The following MARCHF1 variants were observed in gnomAD, a reference collection of about 807,000 sequenced individuals.
MARCHF1 encodes the protein membrane associated ring-CH-type finger 1, also known as E3 ubiquitin-protein ligase MARCHF1.
In MARCHF1, 40 loss-of-function variants were observed where a neutral mutation model predicts 54.2. That is an observed-to-expected ratio of 0.74 (90% CI 0.57 to 0.96). The LOEUF (loss-of-function observed/expected upper bound fraction) is 0.96. MARCHF1 is among the 40% of genes least tolerant of loss of function. The pLI is 0.00. For synonymous variants in MARCHF1, 236 were observed against 236.3 expected (o/e 1.00, Z 0.01); for missense variants, 586 against 656.5 (o/e 0.89, Z 1.17).
intron 2 of MARCHF1, among the ~76,000 whole-genome samples, chr4:164,008,592 A>G (rs1346216055): frequency 6.6e-6 from 1 of 152,102 alleles, no homozygotes; most frequent in Non-Finnish European, 1.5e-5. Context: ...GCAAAAATAC[A>G]AGTCTGAACA....
At chr4:163,780,838 A>G (rs1009370564) in intron 4 of MARCHF1, among the ~76,000 whole-genome samples, 3 of 152,334 alleles carry the variant, frequency 2.0e-5, no homozygotes, top group South Asian at 4.1e-4. Flanking sequence ...AGCAGTGTCC[A>G]TATGACCCAG....
At chr4:163,697,751 GACAT>G (rs1262145711) in intron 5 of MARCHF1, among the ~76,000 whole-genome samples, 3 of 152,136 alleles carry the variant, frequency 2.0e-5, no homozygotes, top group Non-Finnish European at 4.4e-5. Context: ...TACTATTACT[GACAT>G]AAGACAATTT....
intron 1 of MARCHF1, among the ~76,000 whole-genome samples, chr4:164,173,179 C>G (rs1050358961): frequency 1.3e-5 from 2 of 152,128 alleles, no homozygotes; most frequent in African/African-American, 4.8e-5. Flanking sequence ...CATTCCAGAA[C>G]AGATTAATAT....
intron 4 of MARCHF1, among the ~76,000 whole-genome samples, chr4:163,768,942 T>A (rs535048077): frequency 1.3e-5 from 2 of 152,288 alleles, no homozygotes; most frequent in South Asian, 4.1e-4. Context: ...CTGGACTTCC[T>A]GGTGGCTACA....
chr4:164,286,178 T>C (rs1291422661), intron 1 of MARCHF1, among the ~76,000 whole-genome samples: 1 of 152,188 alleles, frequency 6.6e-6, no homozygotes, highest in Non-Finnish European at 1.5e-5. Flanking sequence ...GAAATTTTAG[T>C]TACATACTGT....
intron 2 of MARCHF1, among the ~76,000 whole-genome samples, chr4:164,030,983 G>A (rs530179210): frequency 6.6e-6 from 1 of 152,134 alleles, no homozygotes; most frequent in East Asian, 1.9e-4. Context: ...GAGACAATGG[G>A]GTTTTCTAAA....
rs189891051 is a variant in MARCHF1 at position 163,532,502 on chromosome 4, G to T, written c.1340-3456C>A. Among the ~76,000 whole-genome samples, 389 of 151,908 alleles carry T rather than the reference G, an allele frequency of 2.6e-3. 3 individuals carry two copies. Among genetic ancestry groups the T allele is most frequent in the African/African-American group, 8.8e-3 (367 of 41,510 alleles). On this transcript the variant is annotated intron_variant, in intron 9 of 9. Transcript: ENST00000514618. ...GCTTCTAAAAGATAAGAAAATTCAGGTGACCAAAGTATGATCTATGAAAAG... is the reference window on the plus strand; with the variant it reads ...GCTTCTAAAAGATAAGAAAATTCAGTTGACCAAAGTATGATCTATGAAAAG...
intron 1 of MARCHF1, among the ~76,000 whole-genome samples, chr4:164,279,497 A>G (rs12511897): frequency 0.053 from 8,082 of 151,566 alleles, 495 homozygotes; most frequent in East Asian, 0.29. Context: ...ATAAAATTTA[A>G]ATGTTTATAA....
chr4:164,219,320 T>C lies in MARCHF1; in HGVS notation c.-322-107658A>G, dbSNP rs1047531229. Among the ~76,000 whole-genome samples the C allele has an allele frequency of 5.9e-5, 9 of 152,196 alleles. 1 individual carries two copies. Among genetic ancestry groups the C allele is most frequent in the Non-Finnish European group, 8.8e-5 (6 of 68,032 alleles). The stretch of plus-strand genomic sequence containing the variant: ...AAATGTATCTGCTTTCCACACTCAC[T>C]AGTTGCTTCTTATCCAATTTTCAAA... On this transcript the variant is annotated intron_variant, in intron 1 of 9. Coordinates refer to ENST00000514618, the MANE Select transcript of MARCHF1 (RefSeq NM_001394959.1).
At chr4:163,908,227 T>G (rs756734707) in intron 3 of MARCHF1, among the ~76,000 whole-genome samples, 1 of 152,164 alleles carries the variant, frequency 6.6e-6, no homozygotes, top group Non-Finnish European at 1.5e-5. Flanking sequence ...TCTGCATACA[T>G]CAAAATGAAA....
intron 2 of MARCHF1, among the ~76,000 whole-genome samples, chr4:164,033,758 A>C (rs1579477180): frequency 6.6e-6 from 1 of 152,174 alleles, no homozygotes; most frequent in African/African-American, 2.4e-5. Flanking sequence ...GCAATTATTA[A>C]AAAGTAAAAA....
intron 7 of MARCHF1, among the ~76,000 whole-genome samples, chr4:163,590,057 GGTGTGTGTGTGT>G (rs34885496): frequency 1.4e-5 from 2 of 146,168 alleles, no homozygotes; most frequent in African/African-American, 5.0e-5. Flanking sequence ...TTTAGATTTT[GGTGTGTGTGTGT>G]GTGTGTGTGT....
At position 163,536,871 on chromosome 4, in the gene MARCHF1, A is replaced by G. The variant is rs117008110; in HGVS notation, c.1340-7825T>C. ...TTTCCCCTGCCCACACCATCCTTCAATATGTTCCTGGGAAGTCAAATCTCC... is the reference window on the plus strand; with the variant it reads ...TTTCCCCTGCCCACACCATCCTTCAGTATGTTCCTGGGAAGTCAAATCTCC... On this transcript the variant is annotated intron_variant, in intron 9 of 9. Transcript: ENST00000514618. Among the ~76,000 whole-genome samples the G allele has an allele frequency of 8.2e-3, 1,244 of 152,092 alleles. 19 individuals carry two copies. The highest frequency in any genetic ancestry group is 0.07 in the East Asian group (362 of 5,148).
At chr4:163,845,537 T>G (rs574675622) in intron 4 of MARCHF1, among the ~76,000 whole-genome samples, 7 of 150,588 alleles carry the variant, frequency 4.6e-5, no homozygotes, top group Non-Finnish European at 1.0e-4. Context: ...ACCCACCCAC[T>G]GATCCTCTGA....
chr4:164,362,155 A>G (rs375482500), intron 1 of MARCHF1, among the ~76,000 whole-genome samples: 14 of 152,234 alleles, frequency 9.2e-5, no homozygotes, highest in African/African-American at 1.9e-4. Context: ...AAATAAAGAA[A>G]CTGGCTTGTA....
At chr4:164,284,998 T>C (rs1036424919) in intron 1 of MARCHF1, among the ~76,000 whole-genome samples, 2 of 142,996 alleles carry the variant, frequency 1.4e-5, no homozygotes, top group Non-Finnish European at 3.0e-5. Flanking sequence ...ATACATTAAA[T>C]GTCAGCCTTT....
At chr4:164,145,345 C>T (rs1265762773) in intron 1 of MARCHF1, among the ~76,000 whole-genome samples, 4 of 152,040 alleles carry the variant, frequency 2.6e-5, no homozygotes, top group Non-Finnish European at 4.4e-5. Flanking sequence ...ATCCTGATAC[C>T]AAAGCCGGGC....
chr4:164,158,411 C>T (rs906033181), intron 1 of MARCHF1, among the ~76,000 whole-genome samples: 2 of 152,070 alleles, frequency 1.3e-5, no homozygotes, highest in South Asian at 4.1e-4. Flanking sequence ...GAGGCCAAGG[C>T]AGGTGGATCA....
At chr4:163,540,480 A>G (rs1168243152) in intron 9 of MARCHF1, among the ~76,000 whole-genome samples, 1 of 152,222 alleles carries the variant, frequency 6.6e-6, no homozygotes, top group Non-Finnish European at 1.5e-5. Flanking sequence ...ATTATTAACA[A>G]CAACAAAATT....
Sources: gnomAD v4.1 joint callset for allele counts (sites outside exome capture counted in the v4.1 genomes callset) on GRCh38, gnomAD v4.1.1 for gene constraint, MANE v1.5 for transcripts, NCBI Gene and HGNC (gene_info 2026-07-23, HGNC 2026-07-21) for gene names.